The following RTL4 variants were observed in gnomAD, a reference collection of about 807,000 sequenced individuals.
The protein encoded by RTL4 is retrotransposon Gag like 4, also known as retrotransposon Gag-like protein 4.
Under a neutral mutation model 5.3 loss-of-function variants are expected in RTL4, and 4 were observed. That is an observed-to-expected ratio of 0.75 (90% CI 0.37 to 1.72). RTL4 has a LOEUF of 1.72. Ranked by LOEUF, RTL4 falls within the 40% of genes most tolerant of loss-of-function variation. The pLI is 0.04. For synonymous variants in RTL4, 98 were observed against 87.3 expected (o/e 1.12, Z -0.68); for missense variants, 260 against 227.1 (o/e 1.14, Z -0.93).
the RTL4 span, among the ~76,000 whole-genome samples, chrX:112,245,836 A>G: frequency 8.9e-6 from 1 of 112,099 alleles, no homozygotes; most frequent in Non-Finnish European, 1.9e-5. Context: ...TTGTGGTTTT[A>G]TCTACCTTTG....
chrX:112,405,819 C>T, the RTL4 span, among the ~76,000 whole-genome samples: 126 of 110,795 alleles, frequency 1.1e-3, 1 homozygote, highest in South Asian at 0.048. Flanking sequence ...CTGAAAGAGG[C>T]ACTAAAGAGG....
chrX:112,413,445 G>T, the RTL4 span, among the ~76,000 whole-genome samples: 1 of 111,717 alleles, frequency 9.0e-6, no homozygotes, highest in Non-Finnish European at 1.9e-5. Flanking sequence ...AGACTTGGAA[G>T]CAACCTAAGT....
At chrX:112,121,035 G>A in the RTL4 span, among the ~76,000 whole-genome samples, 1 of 111,291 alleles carries the variant, frequency 9.0e-6, no homozygotes, top group Non-Finnish European at 1.9e-5. Context: ...ATAACTAATG[G>A]GTACTGGGCT....
chrX:112,134,834 TAACTC>T, the RTL4 span, among the ~76,000 whole-genome samples: 5 of 111,866 alleles, frequency 4.5e-5, no homozygotes, highest in Non-Finnish European at 7.5e-5. Context: ...TCTGGTCTCT[TAACTC>T]AATGTAATTA....
chrX:112,107,737 T>C, the RTL4 span, among the ~76,000 whole-genome samples: 1 of 111,959 alleles, frequency 8.9e-6, no homozygotes, highest in East Asian at 2.8e-4. Context: ...TTTCAGTGTG[T>C]TCTCTTTGTC....
the RTL4 span, among the ~76,000 whole-genome samples, chrX:112,310,784 T>C: frequency 1.3e-3 from 104 of 80,352 alleles, 3 homozygotes; most frequent in Non-Finnish European, 2.4e-4. Flanking sequence ...TAATATATAT[T>C]AATATTATAT....
chrX:112,169,740 G>A, the RTL4 span, among the ~76,000 whole-genome samples: 2 of 111,453 alleles, frequency 1.8e-5, no homozygotes, highest in African/African-American at 3.3e-5. Flanking sequence ...ACCTCTCCTG[G>A]TTTCAACTTC....
At chrX:112,450,593 G>T (rs754720242), upstream of RTL4, among the ~76,000 whole-genome samples, 1 of 111,444 alleles carries the variant, frequency 9.0e-6, no homozygotes, top group East Asian at 2.8e-4. Flanking sequence ...TTTTTGGAGG[G>T]ATTAAGCAAT....
the RTL4 span, among the ~76,000 whole-genome samples, chrX:112,170,594 G>T: frequency 1.8e-5 from 2 of 111,991 alleles, 1 homozygote; most frequent in African/African-American, 6.5e-5. Flanking sequence ...TTTGCACATT[G>T]ATTTTGTATC....
chrX:112,093,013 A>C, the RTL4 span, among the ~76,000 whole-genome samples: 1 of 111,149 alleles, frequency 9.0e-6, no homozygotes, highest in Admixed American at 9.5e-5. Flanking sequence ...CCCAGTCCTC[A>C]AGGCTTAAGG....
At chrX:112,322,458 G>T in the RTL4 span, among the ~76,000 whole-genome samples, 35,278 of 107,909 alleles carry the variant, frequency 0.33, 5,517 homozygotes, top group African/African-American at 0.6. Flanking sequence ...ATTTCTTGTT[G>T]GTGTAATCTC....
chrX:112,150,685 G>C, the RTL4 span, among the ~76,000 whole-genome samples: 1 of 111,736 alleles, frequency 8.9e-6, no homozygotes, highest in Non-Finnish European at 1.9e-5. Flanking sequence ...CATGTGAATT[G>C]TTGCTTAGTA....
chrX:112,415,493 G>A, the RTL4 span, among the ~76,000 whole-genome samples: 1 of 110,557 alleles, frequency 9.0e-6, no homozygotes, highest in East Asian at 2.8e-4. Context: ...AATCATGAAC[G>A]ATGCTGCTGT....
the RTL4 span, among the ~76,000 whole-genome samples, chrX:112,177,258 C>T: frequency 9.0e-6 from 1 of 110,883 alleles, no homozygotes; most frequent in Admixed American, 9.6e-5. Context: ...TTTGAGAAAC[C>T]TCCATAGAGT....
At chrX:112,405,005 A>G in the RTL4 span, among the ~76,000 whole-genome samples, 2 of 111,875 alleles carry the variant, frequency 1.8e-5, no homozygotes. Flanking sequence ...ATGTGTCTGC[A>G]TATGTCAGTG....
At chrX:112,227,114 A>G in the RTL4 span, among the ~76,000 whole-genome samples, 1 of 111,017 alleles carries the variant, frequency 9.0e-6, no homozygotes, top group Non-Finnish European at 1.9e-5. Context: ...GTCTTTGGTG[A>G]TTCAGCCTCA....
At chrX:112,238,029 G>A in the RTL4 span, among the ~76,000 whole-genome samples, 1 of 112,109 alleles carries the variant, frequency 8.9e-6, no homozygotes, top group Non-Finnish European at 1.9e-5. Context: ...AAACAAATGT[G>A]TCTTTTGTCT....
chrX:112,185,402 T>C, the RTL4 span, among the ~76,000 whole-genome samples: 3,817 of 97,780 alleles, frequency 0.039, 245 homozygotes, highest in African/African-American at 0.14. Flanking sequence ...TATATATATA[T>C]ACACACACAC....
chrX:112,260,340 A>G, the RTL4 span, among the ~76,000 whole-genome samples: 1 of 111,619 alleles, frequency 9.0e-6, no homozygotes, highest in Non-Finnish European at 1.9e-5. Context: ...TCCTCCTGTC[A>G]GCATACAGAG....
Sources: allele counts gnomAD v4.1 joint callset (sites outside exome capture counted in the v4.1 genomes callset), GRCh38; gene constraint gnomAD v4.1.1; transcripts MANE v1.5; gene names NCBI Gene and HGNC (gene_info 2026-07-23, HGNC 2026-07-21).